SLC35G2: variants seen among roughly 807,000 people sequenced by gnomAD.
SLC35G2 encodes the protein solute carrier family 35 member G2.
SLC35G2 carries 20 observed loss-of-function variants against 27.2 expected under a neutral mutation model. That is an observed-to-expected ratio of 0.74 (90% CI 0.52 to 1.07). The LOEUF is 1.07. Among genes scored for constraint, SLC35G2 ranks in the 50% least tolerant of loss-of-function variants. SLC35G2 has a pLI of 0.00. For missense variants in SLC35G2, 416 were observed against 493.3 expected, an observed-to-expected ratio of 0.84 and a Z score of 1.48; for synonymous variants, 148 against 165.3, an observed-to-expected ratio of 0.90 and a Z score of 0.80.
At chr3:136,824,866 A>G (rs13080786) in intron 1 of SLC35G2, among the ~76,000 whole-genome samples, 24,682 of 152,034 alleles carry the variant, frequency 0.16, 2,662 homozygotes, top group Non-Finnish European at 0.24. Context: ...CGTCATTTAC[A>G]TTAGATATTT....
At chr3:136,838,244 TAC>T (rs1403801977) in intron 1 of SLC35G2, 12 of 51,910 alleles carry the variant, frequency 2.3e-4, no homozygotes, top group Non-Finnish European at 3.7e-5. Context: ...CAGTAGCATA[TAC>T]ATATATATAT....
chr3:136,849,623 C>T (rs1229252428), intron 1 of SLC35G2, among the ~76,000 whole-genome samples: 2 of 151,800 alleles, frequency 1.3e-5, no homozygotes, highest in Non-Finnish European at 2.9e-5. Flanking sequence ...TCCCAAGTAG[C>T]TGGGACTACA....
rs1936389290 is a variant in SLC35G2, at chr3:136,819,470, C to T, written c.-177C>T. ...GGCCCGCATTTCTCTGTGCTGCCCT[C>T]CTGGAGAACCGGGACACGGGGACGG... On this transcript the variant is annotated 5_prime_UTR_variant, in exon 1 of 2. Coordinates refer to ENST00000446465, the MANE Select transcript of SLC35G2 (RefSeq NM_025246.3). 6.6e-6 allele frequency: 1 copy of T among 152,288 alleles called. No homozygotes were observed. The highest frequency in any genetic ancestry group is 2.1e-4 in the South Asian group (1 of 4,836). The allele number at this position is 152,288 out of a possible 1,614,324, so 9.4% of individuals were successfully genotyped here.
rs199534279 is a variant in SLC35G2, at chr3:136,855,553, G to A, written c.1093G>A (p.Val365Met). 83 of 1,614,048 alleles carry A rather than the reference G, an allele frequency of 5.1e-5. No homozygotes were observed. The East Asian group carries it at 6.0e-4, about 12-fold the overall frequency. The change falls in exon 2 of 2, where the codon GTG becomes ATG. Residue 365 changes from valine to methionine, a missense_variant. Val to Met is a conservative substitution (Grantham distance 21). Transcript: ENST00000446465. ...IVVAMVLQLL[V>M]LHIFPSIYDV... ...GGTAGCTATGGTCTTGCAGCTTCTCGTGCTGCACATATTTCCTAGCATCTA... is the reference window on the plus strand; with the variant it reads ...GGTAGCTATGGTCTTGCAGCTTCTCATGCTGCACATATTTCCTAGCATCTA...
At chr3:136,824,683 ATATC>A (rs1936541888) in intron 1 of SLC35G2, among the ~76,000 whole-genome samples, 1 of 152,202 alleles carries the variant, frequency 6.6e-6, no homozygotes, top group African/African-American at 2.4e-5. Flanking sequence ...ATATAAGATC[ATATC>A]ATTTGCAAAC....
chr3:136,848,868 C>T (rs959135733), intron 1 of SLC35G2, among the ~76,000 whole-genome samples: 2 of 152,072 alleles, frequency 1.3e-5, no homozygotes, highest in African/African-American at 4.8e-5. Flanking sequence ...CACCAGAATC[C>T]TAAACCTTAC....
At chr3:136,837,882 C>G (rs1017515348) in intron 1 of SLC35G2, 1 of 151,690 alleles carries the variant, frequency 6.6e-6, no homozygotes, top group African/African-American at 2.4e-5. Context: ...CTCTGTCACC[C>G]AGGGCGGAGT....
chr3:136,855,772 G>A lies in SLC35G2; in HGVS notation c.*73G>A. The A allele has an allele frequency of 3.3e-6, 4 of 1,209,732 alleles. No homozygotes were observed. The highest frequency in any genetic ancestry group is 4.8e-6 in the Non-Finnish European group (4 of 826,794). The allele number at this position is 1,209,732 out of a possible 1,614,324, so 74.9% of individuals were successfully genotyped here. On this transcript the variant is annotated 3_prime_UTR_variant, in exon 2 of 2. Coordinates refer to ENST00000446465, the MANE Select transcript of SLC35G2 (RefSeq NM_025246.3). ...GCCATTTTAATGTTTACCTATGAAT[G>A]TCTTTTGTGTTATATAACTGACAGA... is the stretch of plus-strand genomic sequence containing the variant.
rs1937985279 is a variant in SLC35G2 at position 136,855,681 on chromosome 3, A to G, written c.1221A>G (p.Leu407=). 3.8e-6 allele frequency: 6 copies of G among 1,599,646 alleles called. No individual in the cohort carries two copies. The highest frequency in any genetic ancestry group is 3.4e-6 in the Non-Finnish European group (4 of 1,166,756). ...NLRKQDYQEI[L]DSPIK The stretch of plus-strand genomic sequence containing the variant: ...GAAAGCAGGACTACCAGGAAATACT[A>G]GACTCTCCCATTAAATGAATACCTG... Residue 407 remains leucine (L), a synonymous_variant, in exon 2 of 2, where the codon CTA becomes CTG. Transcript: ENST00000446465.
At chr3:136,826,425 A>G (rs889409960) in intron 1 of SLC35G2, among the ~76,000 whole-genome samples, 1 of 152,192 alleles carries the variant, frequency 6.6e-6, no homozygotes, top group African/African-American at 2.4e-5. Flanking sequence ...GTAGTATTTT[A>G]TTATGACTTT....
At chr3:136,835,307 C>CTTTTTTT (rs59937564) in intron 1 of SLC35G2, among the ~76,000 whole-genome samples, 1 of 113,200 alleles carries the variant, frequency 8.8e-6, no homozygotes, top group African/African-American at 3.2e-5. Flanking sequence ...AGGCCTTTTT[C>CTTTTTTT]TTTTTTTTTT....
chr3:136,837,132 TAC>T (rs1451156100), intron 1 of SLC35G2, among the ~76,000 whole-genome samples: 2 of 150,638 alleles, frequency 1.3e-5, no homozygotes, highest in African/African-American at 4.9e-5. Context: ...AGTATGTATC[TAC>T]ACACACACAA....
chr3:136,854,424 A>G lies in SLC35G2; in HGVS notation c.-18-19A>G. On this transcript the variant is annotated intron_variant, in intron 1 of 1. Transcript: ENST00000446465. The stretch of plus-strand genomic sequence containing the variant: ...TCAATGAAATGAATGTCTTTTTGTC[A>G]ATTTTTTTCTTTAAATAGAATTGAT... 6.7e-7 allele frequency: 1 copy of G among 1,485,302 alleles called. No homozygotes were observed. The highest frequency in any genetic ancestry group is 9.1e-7 in the Non-Finnish European group (1 of 1,096,332). 92.0% of individuals were successfully genotyped at this position (1,485,302 alleles called of 1,614,324 possible). A position where few individuals can be genotyped will look rare whatever the true frequency, so the allele number is the denominator to read the frequency against.
At chr3:136,830,674 A>C (rs570104313) in intron 1 of SLC35G2, among the ~76,000 whole-genome samples, 22 of 152,276 alleles carry the variant, frequency 1.4e-4, no homozygotes, top group African/African-American at 3.8e-4. Flanking sequence ...TCAGCCTCCC[A>C]AAGTGCTGGG....
intron 1 of SLC35G2, among the ~76,000 whole-genome samples, chr3:136,839,246 T>C (rs2108010752): frequency 6.6e-6 from 1 of 152,280 alleles, no homozygotes; most frequent in Non-Finnish European, 1.5e-5. Flanking sequence ...GGAAAGGAAG[T>C]GTCGATTATA....
chr3:136,837,315 GAAAT>G (rs1176576058), intron 1 of SLC35G2: 2 of 152,272 alleles, frequency 1.3e-5, no homozygotes, highest in African/African-American at 4.8e-5. Context: ...AGAAGGCACA[GAAAT>G]AAAAGAGCTA....
intron 1 of SLC35G2, among the ~76,000 whole-genome samples, chr3:136,844,205 A>G (rs9289518): frequency 0.68 from 102,848 of 151,398 alleles, 35,171 homozygotes; most frequent in East Asian, 0.87. Flanking sequence ...AGAAGAAAAA[A>G]ACAGCCAGGC....
At chr3:136,834,264 C>A (rs889608666) in intron 1 of SLC35G2, among the ~76,000 whole-genome samples, 6 of 152,104 alleles carry the variant, frequency 3.9e-5, no homozygotes, top group Non-Finnish European at 7.4e-5. Context: ...ATTTTAATTT[C>A]TTTGTTAAAT....
At chr3:136,834,422 C>G (rs993027145) in intron 1 of SLC35G2, among the ~76,000 whole-genome samples, 5 of 152,098 alleles carry the variant, frequency 3.3e-5, no homozygotes, top group African/African-American at 1.2e-4. Context: ...CAACCTCTGC[C>G]TCCCGGGTTC....
Sources: gnomAD v4.1 joint callset for allele counts (sites outside exome capture counted in the v4.1 genomes callset) on GRCh38, gnomAD v4.1.1 for gene constraint, MANE v1.5 for transcripts, NCBI Gene and HGNC (gene_info 2026-07-23, HGNC 2026-07-21) for gene names.